Variants in MMS19 observed in about 807,000 individuals in gnomAD.
The protein encoded by MMS19 is MMS19 nucleotide excision repair protein homolog.
In MMS19, 77 loss-of-function variants were observed where a neutral mutation model predicts 129.8. The ratio of observed to expected loss-of-function variants is 0.59; its 90% CI spans 0.49 to 0.72. The LOEUF is 0.72. Ranked by LOEUF, MMS19 falls within the 30% of genes least tolerant of loss-of-function variation. MMS19 has a pLI of 0.00. For synonymous variants in MMS19, 491 were observed against 502.8 expected, an observed-to-expected ratio of 0.98 and a Z score of 0.31; for missense variants, 1,168 against 1,266.3, an observed-to-expected ratio of 0.92 and a Z score of 1.18.
chr10:97,480,875 C>G (rs747820274), intron 3 of MMS19, 67 bp downstream of exon 3: 1 of 1,151,630 alleles, frequency 8.7e-7, no homozygotes, highest in Non-Finnish European at 1.3e-6. Flanking sequence ...GTAAAGTTGG[C>G]TTGAATAGAC....
intron 20 of MMS19, 33 bp from the exon 21 acceptor site, chr10:97,462,152 C>G (rs1295180383): frequency 6.7e-7 from 1 of 1,490,560 alleles, no homozygotes; most frequent in Admixed American, 2.0e-5. Context: ...GACCAAGGAG[C>G]TAGGATTCTA....
At position 97,478,658 on chromosome 10, in the gene MMS19, G is replaced by A. The variant is rs188475702; in HGVS notation, c.263-269C>T. Among the ~76,000 whole-genome samples the A allele has an allele frequency of 2.1e-3, 326 of 152,278 alleles. 1 individual carries two copies. Among genetic ancestry groups the A allele is most frequent in the African/African-American group, 7.4e-3 (307 of 41,554 alleles). On this transcript the variant is annotated intron_variant, in intron 3 of 30. Transcript: ENST00000438925. ...AAAACTGCCTTTCTACAGAACTAGA[G>A]TTCACAAATTTTTTCCTAAAGGGTC...
chr10:97,461,955 C>A, intron 21 of MMS19, 59 bp from the exon 22 acceptor site: 1 of 1,566,648 alleles, frequency 6.4e-7, no homozygotes. Flanking sequence ...TGCCCCTCTA[C>A]CCATTCCAGA....
chr10:97,468,525 T>C (rs745516802), intron 12 of MMS19, 119 bp from the exon 13 acceptor site: 59 of 981,566 alleles, frequency 6.0e-5, no homozygotes, highest in Non-Finnish European at 7.7e-5. Flanking sequence ...AACACTCAAA[T>C]TGTTTTCAAT....
rs2133386367 is a variant in MMS19, at chr10:97,467,553, G to A, written c.1249C>T (p.Leu417Phe). 6.2e-7 allele frequency: 1 copy of A among 1,613,986 alleles called. No homozygotes were observed. Among genetic ancestry groups the A allele is most frequent in the Middle Eastern group, 1.7e-4 (1 of 6,058 alleles). Reference protein sequence around the residue: ...SSQRRTILEMLLGFLKLQQKW... With the variant: ...SSQRRTILEMFLGFLKLQQKW... ...TGCTGCAGCTTCAAGAAACCCAGGA[G>A]CATTTCAAGGATTGTCCGCCGCTGG... The change falls in exon 14 of 31, where the codon CTC becomes TTC. Residue 417 changes from leucine (L) to phenylalanine (F), a missense_variant. By Grantham distance (22) the Leu-to-Phe change is conservative. Transcript: ENST00000438925.
chr10:97,469,021 C>T lies in MMS19; in HGVS notation c.1008G>A (p.Val336=). The change falls in exon 12 of 31, where the codon GTG becomes GTA. Residue 336 remains valine, a synonymous_variant. Transcript: ENST00000438925. ...HSLTACLSRS[V]LRADAEDLLD... ...GGAGGTCCTCAGCATCAGCCCTCAG[C>T]ACAGAGCGAGACAAACACGCAGTCA... is the stretch of plus-strand genomic sequence containing the variant. 1 of 1,587,240 alleles carries T rather than the reference C, an allele frequency of 6.3e-7. No individual in the cohort carries two copies. The highest frequency in any genetic ancestry group is 1.1e-5 in the South Asian group (1 of 87,278).
chr10:97,496,442 G>C (rs569278403), intron 1 of MMS19, among the ~76,000 whole-genome samples: 51 of 150,768 alleles, frequency 3.4e-4, no homozygotes, highest in African/African-American at 1.1e-3. Flanking sequence ...TTGAGCATAG[G>C]TCGAGGCTAC....
chr10:97,478,453 C>G, intron 3 of MMS19, 64 bp from the exon 4 acceptor site: 1 of 1,192,610 alleles, frequency 8.4e-7, no homozygotes, highest in Non-Finnish European at 1.2e-6. Context: ...AGCTTTGTTC[C>G]TTCCCTAAGT....
intron 1 of MMS19, among the ~76,000 whole-genome samples, chr10:97,487,318 C>CT (rs201462938): frequency 0.062 from 8,561 of 137,532 alleles, 819 homozygotes; most frequent in African/African-American, 0.19. Flanking sequence ...GAGAAAATTT[C>CT]TTTTTTTTTT....
chr10:97,496,198 A>T (rs993697528), intron 1 of MMS19, among the ~76,000 whole-genome samples: 2 of 152,228 alleles, frequency 1.3e-5, no homozygotes, highest in African/African-American at 4.8e-5. Context: ...AGAAAGAAAC[A>T]AAAATATAAA....
At chr10:97,459,119 CAATT>C (rs1589542883) in intron 29 of MMS19, 100 bp downstream of exon 29, 1 of 1,142,050 alleles carries the variant, frequency 8.8e-7, no homozygotes, top group East Asian at 2.6e-5. Context: ...ATTCAGATCT[CAATT>C]ACACACCAGG....
chr10:97,476,523 A>G (rs1042526374), intron 8 of MMS19, among the ~76,000 whole-genome samples, 160 bp downstream of exon 8: 8 of 152,182 alleles, frequency 5.3e-5, no homozygotes, highest in African/African-American at 1.4e-4. Flanking sequence ...ATCATTCCTC[A>G]TATGTCAAAT....
At chr10:97,468,092 A>T (rs573542722) in intron 13 of MMS19, among the ~76,000 whole-genome samples, 160 bp downstream of exon 13, 2 of 152,066 alleles carry the variant, frequency 1.3e-5, no homozygotes, top group East Asian at 1.9e-4. Context: ...TTTATGTATG[A>T]GACAGGGAAA....
chr10:97,487,017 AG>A (rs1463139395), intron 1 of MMS19, among the ~76,000 whole-genome samples: 69 of 151,292 alleles, frequency 4.6e-4, no homozygotes, highest in African/African-American at 1.6e-3. Flanking sequence ...AACAAAAAAA[AG>A]AAAAATAAAA....
chr10:97,467,237 C>T (rs1479595551), intron 14 of MMS19, among the ~76,000 whole-genome samples: 1 of 152,190 alleles, frequency 6.6e-6, no homozygotes, highest in Non-Finnish European at 1.5e-5. Context: ...CCTTAGCCTA[C>T]CAAAGTGCTG....
At chr10:97,477,209 G>C in intron 6 of MMS19, 138 bp downstream of exon 6, 2 of 1,518,870 alleles carry the variant, frequency 1.3e-6, no homozygotes, top group Non-Finnish European at 1.8e-6. Context: ...GGAGGGAGCA[G>C]ACCCCCTCTT....
intron 8 of MMS19, among the ~76,000 whole-genome samples, chr10:97,473,343 T>C: frequency 6.6e-6 from 1 of 152,120 alleles, no homozygotes; most frequent in Non-Finnish European, 1.5e-5. Context: ...GCCTAGAATT[T>C]CTATTCTTGA....
Position 97,469,068 on chromosome 10 carries a change from C to T in MMS19, c.961G>A (p.Gly321Ser). The part of the protein sequence containing the change: ...QTASERVEAE[G>S]LAALHSLTAC... ...GTCAGGGAGTGGAGGGCCGCCAGGCCCTCTGCCTCCACCCGCTCACTTGCC... is the reference window on the plus strand; with the variant it reads ...GTCAGGGAGTGGAGGGCCGCCAGGCTCTCTGCCTCCACCCGCTCACTTGCC... Residue 321 changes from glycine to serine, a missense_variant, in exon 12 of 31, where the codon GGC (glycine) becomes AGC (serine). Gly to Ser is a moderately conservative substitution (Grantham distance 56). Around this residue, in one of 3 missense-constraint regions of MMS19, gnomAD observed 831 missense variants for 910.8 expected, o/e 0.91. Coordinates refer to ENST00000438925, the MANE Select transcript of MMS19 (RefSeq NM_022362.5). 3 of 1,582,172 alleles carry T rather than the reference C, an allele frequency of 1.9e-6. No homozygotes were observed. The highest frequency in any genetic ancestry group is 2.6e-6 in the Non-Finnish European group (3 of 1,165,974).
At chr10:97,491,643 T>G (rs1442637859) in intron 1 of MMS19, among the ~76,000 whole-genome samples, 1 of 152,068 alleles carries the variant, frequency 6.6e-6, no homozygotes, top group East Asian at 1.9e-4. Context: ...AGAGCGAGAC[T>G]CCGTCTCAAA....
Sources: allele counts gnomAD v4.1 joint callset (sites outside exome capture counted in the v4.1 genomes callset), GRCh38; gene constraint gnomAD v4.1.1; regional missense constraint gnomAD v4.1.1; transcripts MANE v1.5; gene names NCBI Gene and HGNC (gene_info 2026-07-23, HGNC 2026-07-21).